TTC31: variants seen among roughly 807,000 people sequenced by gnomAD.
The protein encoded by TTC31 is tetratricopeptide repeat protein 31.
In TTC31, 59 loss-of-function variants were observed where a neutral mutation model predicts 60.4. The observed-to-expected ratio is 0.98, with a 90% CI of 0.79 to 1.21. TTC31 has a LOEUF of 1.21. TTC31 is among the 50% of genes most tolerant of loss of function. The pLI is 0.00. For missense variants in TTC31, 672 were observed against 646.9 expected (o/e 1.04, Z -0.42); for synonymous variants, 225 against 249.6 (o/e 0.90, Z 0.93).
intron 2 of TTC31, among the ~76,000 whole-genome samples, chr2:74,486,038 C>T (rs1673071723): frequency 6.6e-6 from 1 of 151,984 alleles, no homozygotes; most frequent in South Asian, 2.1e-4. Flanking sequence ...GAGGTTGATG[C>T]AGGCGGATCA....
chr2:74,486,053 G>A (rs985661697), intron 2 of TTC31, among the ~76,000 whole-genome samples: 1 of 151,944 alleles, frequency 6.6e-6, no homozygotes, highest in Non-Finnish European at 1.5e-5. Context: ...GGATCATGAG[G>A]TCAGGAGATG....
Position 74,493,296 on chromosome 2 carries a change from C to A in TTC31, c.*78C>A. On this transcript the variant is annotated 3_prime_UTR_variant, in exon 13 of 13. Coordinates refer to ENST00000233623, the MANE Select transcript of TTC31 (RefSeq NM_022492.6). Reference sequence around the variant, plus strand: ...GACATAGTGTGGTGACAGTTCACTGCATATTTTGAGACCTTATTCTCTAGA... The same window carrying A: ...GACATAGTGTGGTGACAGTTCACTGAATATTTTGAGACCTTATTCTCTAGA... 1 of 1,432,328 alleles carries A rather than the reference C, an allele frequency of 7.0e-7. No individual in the cohort carries two copies. Among genetic ancestry groups the A allele is most frequent in the Non-Finnish European group, 9.6e-7 (1 of 1,046,028 alleles). 88.7% of individuals were successfully genotyped at this position (1,432,328 alleles called of 1,614,324 possible). A position where few individuals can be genotyped will look rare whatever the true frequency, so the allele number is the denominator to read the frequency against.
intron 6 of TTC31, 40 bp downstream of exon 6, chr2:74,491,224 G>A (rs1331185511): frequency 3.7e-6 from 6 of 1,614,038 alleles, no homozygotes; most frequent in Non-Finnish European, 5.1e-6. Flanking sequence ...CCAAGTGCCA[G>A]GAAGGTGAGG....
Position 74,490,456 on chromosome 2 carries a change from C to T in TTC31, c.445C>T (p.Leu149Phe). 1 of 1,610,220 alleles carries T rather than the reference C, an allele frequency of 6.2e-7. No individual in the cohort carries two copies. Among genetic ancestry groups the T allele is most frequent in the Non-Finnish European group, 8.5e-7 (1 of 1,178,246 alleles). The change falls in exon 4 of 13, where the codon CTC becomes TTC. Residue 149 changes from leucine to phenylalanine, a missense_variant. Leu to Phe is a conservative substitution (Grantham distance 22). Transcript: ENST00000233623. The stretch of plus-strand genomic sequence containing the variant: ...GCTTCAGGTGGCCATGCCCCAGAAG[C>T]TCCTGGTGACAGAAGAGGTGAGATT... Reference protein sequence around the residue: ...SLLQVAMPQKLLVTEEEANRL... With the variant: ...SLLQVAMPQKFLVTEEEANRL...
Position 74,492,135 on chromosome 2 carries a change from C to T in TTC31, c.929-4C>T. On this transcript the variant is annotated splice_region_variant and splice_polypyrimidine_tract_variant and intron_variant, in intron 9 of 12. Transcript: ENST00000233623. ...TGAACCTTCTCACCCTCTTTCCTTTCCAGAGTTGGGTACCAGCTTTGCTCA... is the reference window on the plus strand; with the variant it reads ...TGAACCTTCTCACCCTCTTTCCTTTTCAGAGTTGGGTACCAGCTTTGCTCA... The T allele has an allele frequency of 6.2e-7, 1 of 1,614,226 alleles. No homozygotes were observed. The highest frequency in any genetic ancestry group is 1.3e-5 in the African/African-American group (1 of 75,046).
chr2:74,485,830 C>T (rs1429371511), intron 2 of TTC31, among the ~76,000 whole-genome samples: 1 of 151,566 alleles, frequency 6.6e-6, no homozygotes, highest in Admixed American at 6.6e-5. Flanking sequence ...TCTCAAACTC[C>T]AGACCTCAGG....
chr2:74,486,138 C>T (rs757136243), intron 2 of TTC31, among the ~76,000 whole-genome samples: 2 of 151,674 alleles, frequency 1.3e-5, no homozygotes, highest in African/African-American at 2.4e-5. Context: ...TGGTGGTGGG[C>T]GCCTATAGTC....
chr2:74,488,436 T>A (rs1673403134), intron 2 of TTC31, among the ~76,000 whole-genome samples: 1 of 152,192 alleles, frequency 6.6e-6, no homozygotes, highest in Non-Finnish European at 1.5e-5. Context: ...CCTGCTCTGT[T>A]TAGGCCTGAT....
At chr2:74,483,683 G>A in intron 2 of TTC31, 1 of 1,216,048 alleles carries the variant, frequency 8.2e-7, no homozygotes, top group African/African-American at 1.5e-5. Flanking sequence ...GAGTTCCTTG[G>A]GAAAAGATGG....
chr2:74,485,484 T>A (rs1262272107), intron 2 of TTC31, among the ~76,000 whole-genome samples: 1 of 151,070 alleles, frequency 6.6e-6, no homozygotes, highest in Non-Finnish European at 1.5e-5. Flanking sequence ...TTTTTTTTTT[T>A]TTTGAGATGG....
intron 2 of TTC31, among the ~76,000 whole-genome samples, chr2:74,488,830 T>C (rs2104195961): frequency 6.6e-6 from 1 of 152,292 alleles, no homozygotes; most frequent in Admixed American, 6.5e-5. Flanking sequence ...TTTGGGAGGC[T>C]GAGGCGGGTG....
At chr2:74,491,890 G>A (rs1334787919) in intron 8 of TTC31, 114 bp from the exon 9 acceptor site, 5 of 1,550,396 alleles carry the variant, frequency 3.2e-6, no homozygotes, top group Non-Finnish European at 3.5e-6. Flanking sequence ...GGGCTGTCAT[G>A]AGGATTACAT....
In TTC31 at chr2:74,491,329, C is replaced by G. The variant is rs750474936; in HGVS notation, c.638C>G (p.Pro213Arg). Residue 213 changes from proline to arginine, a missense_variant, in exon 7 of 13, where the codon CCA (proline) becomes CGA (arginine). By Grantham distance (103) the Pro-to-Arg change is moderately radical. Transcript: ENST00000233623. The part of the protein sequence containing the change: ...STTSDGDESP[P>R]SSPGNPVQGQ... ...ACCTCAGATGGAGATGAGAGCCCCC[C>G]ATCCAGCCCTGGAAACCCAGTTCAG... 1 of 1,614,086 alleles carries G rather than the reference C, an allele frequency of 6.2e-7. No homozygotes were observed. The highest frequency in any genetic ancestry group is 1.3e-5 in the African/African-American group (1 of 74,940).
intron 7 of TTC31, 26 bp from the exon 8 acceptor site, chr2:74,491,455 T>G: frequency 8.6e-6 from 8 of 928,292 alleles, no homozygotes; most frequent in Non-Finnish European, 1.1e-5. Context: ...CCCCACCCCC[T>G]CCCTAACTTT....
chr2:74,491,734 G>A (rs1437044520), intron 8 of TTC31, 62 bp downstream of exon 8: 1 of 1,567,486 alleles, frequency 6.4e-7, no homozygotes, highest in East Asian at 2.3e-5. Flanking sequence ...GAGCTGCTGG[G>A]GAGGCACAGG....
In TTC31 at chr2:74,492,657, G is replaced by A; in HGVS notation, c.1173G>A (p.Glu391=). The A allele has an allele frequency of 6.2e-7, 1 of 1,614,182 alleles. No homozygotes were observed. Among genetic ancestry groups the A allele is most frequent in the Non-Finnish European group, 8.5e-7 (1 of 1,180,024 alleles). The change falls in exon 12 of 13, where the codon GAG becomes GAA. Residue 391 remains glutamate, a synonymous_variant. Coordinates refer to ENST00000233623, the MANE Select transcript of TTC31 (RefSeq NM_022492.6). ...KALMGLQRFR[E]AAAVFQETLR... ...CTCTGGGACCAAAGCGCTTCAGAGA[G>A]GCAGCTGCTGTGTTTCAGGAAACTC...
chr2:74,491,058 G>A (rs993151931), intron 5 of TTC31, 70 bp from the exon 6 acceptor site: 16 of 1,594,602 alleles, frequency 1.0e-5, no homozygotes, highest in Admixed American at 1.7e-5. Flanking sequence ...GATGGAATGC[G>A]AAATCTTAGC....
Position 74,490,344 on chromosome 2 carries a change from G to A in TTC31, c.333G>A (p.Lys111=), listed in dbSNP as rs778385161. The A allele has an allele frequency of 6.2e-7, 1 of 1,614,118 alleles. No individual in the cohort carries two copies. Among genetic ancestry groups the A allele is most frequent in the South Asian group, 1.1e-5 (1 of 91,092 alleles). Residue 111 remains lysine (K), a synonymous_variant, in exon 4 of 13, where the codon AAG becomes AAA. Coordinates refer to ENST00000233623, the MANE Select transcript of TTC31 (RefSeq NM_022492.6). The part of the protein sequence containing the change: ...EGLGTYCGLR[K]SFLYPPQESE... The stretch of plus-strand genomic sequence containing the variant: ...TGGGCACCTACTGTGGTCTCCGCAA[G>A]TCCTTCCTGTATCCTCCCCAAGAGT...
rs1674246346 is a variant in TTC31, at chr2:74,494,305, T to A, written c.*1087T>A. Reference sequence around the variant, plus strand: ...TTGAAACATCTCCTTTATGTGTGACTTTCCCAAATTTTTAAAAATTGTTTA... The same window carrying A: ...TTGAAACATCTCCTTTATGTGTGACATTCCCAAATTTTTAAAAATTGTTTA... On this transcript the variant is annotated 3_prime_UTR_variant, in exon 13 of 13. Transcript: ENST00000233623. The A allele has an allele frequency of 6.6e-6, 1 of 152,244 alleles. No homozygotes were observed. Among genetic ancestry groups the A allele is most frequent in the South Asian group, 2.1e-4 (1 of 4,826 alleles). The allele number at this position is 152,244 out of a possible 1,614,324, so 9.4% of individuals were successfully genotyped here. A position where few individuals can be genotyped will look rare whatever the true frequency, so the allele number is the denominator to read the frequency against.
Sources: allele counts gnomAD v4.1 joint callset (sites outside exome capture counted in the v4.1 genomes callset), GRCh38; gene constraint gnomAD v4.1.1; transcripts MANE v1.5; gene names NCBI Gene and HGNC (gene_info 2026-07-23, HGNC 2026-07-21).